MAD1L1: variants seen among roughly 807,000 people sequenced by gnomAD.
MAD1L1 encodes mitotic spindle assembly checkpoint protein MAD1.
A neutral mutation model predicts 96.9 loss-of-function variants in MAD1L1; 95 were observed. The ratio of observed to expected loss-of-function variants is 0.98; its 90% CI spans 0.83 to 1.16. The LOEUF (loss-of-function observed/expected upper bound fraction) is 1.16, where lower values mean the gene tolerates loss of function less well. Among genes scored for constraint, MAD1L1 ranks in the 50% most tolerant of loss-of-function variants. The pLI is 0.00. For missense variants in MAD1L1, 1,007 were observed against 954.4 expected (o/e 1.06, Z -0.73); for synonymous variants, 473 against 396.6 (o/e 1.19, Z -2.29).
intron 18 of MAD1L1, among the ~76,000 whole-genome samples, chr7:1,819,373 C>T (rs1270064257): frequency 6.6e-6 from 1 of 152,100 alleles, no homozygotes; most frequent in African/African-American, 2.4e-5. Flanking sequence ...GGCGGGCGCC[C>T]TGGGGGAGAC....
chr7:1,933,283 G>A (rs958245240), intron 17 of MAD1L1, among the ~76,000 whole-genome samples: 18 of 152,176 alleles, frequency 1.2e-4, no homozygotes, highest in Admixed American at 5.9e-4. Context: ...CCCAGGGAGC[G>A]ATCCATGGGA....
chr7:2,231,156 G>T (rs995220089), intron 1 of MAD1L1, among the ~76,000 whole-genome samples: 4 of 152,178 alleles, frequency 2.6e-5, no homozygotes, highest in Admixed American at 2.0e-4. Context: ...AAACTAGCCG[G>T]GTGTGGTGGT....
chr7:2,217,343 G>A (rs1793343606), intron 7 of MAD1L1, among the ~76,000 whole-genome samples: 1 of 152,226 alleles, frequency 6.6e-6, no homozygotes, highest in Non-Finnish European at 1.5e-5. Flanking sequence ...CTGAGAGGTG[G>A]ACTGAGGGCT....
chr7:2,204,396 T>A (rs1792481645), intron 10 of MAD1L1, among the ~76,000 whole-genome samples: 1 of 152,170 alleles, frequency 6.6e-6, no homozygotes, highest in African/African-American at 2.4e-5. Context: ...CTTTGCTGCG[T>A]GTACACCTGT....
intron 15 of MAD1L1, among the ~76,000 whole-genome samples, chr7:1,977,847 G>A (rs543610475): frequency 2.2e-4 from 34 of 152,374 alleles, no homozygotes; most frequent in Admixed American, 1.4e-3. Flanking sequence ...GGGCAGCCAC[G>A]GGCCGGGACA....
intron 16 of MAD1L1, among the ~76,000 whole-genome samples, chr7:1,941,363 C>T (rs1435260721): frequency 6.6e-6 from 1 of 152,186 alleles, no homozygotes; most frequent in Non-Finnish European, 1.5e-5. Flanking sequence ...TGATGGGGGG[C>T]TTGAGGTCCA....
At chr7:2,061,332 G>A (rs953653814) in intron 12 of MAD1L1, among the ~76,000 whole-genome samples, 4 of 151,810 alleles carry the variant, frequency 2.6e-5, no homozygotes, top group Non-Finnish European at 4.4e-5. Flanking sequence ...GTGAGACTCC[G>A]TCTCAAAAAA....
At chr7:1,994,742 C>G (rs1257648876) in intron 14 of MAD1L1, among the ~76,000 whole-genome samples, 1 of 152,230 alleles carries the variant, frequency 6.6e-6, no homozygotes, top group South Asian at 2.1e-4. Flanking sequence ...AGGGCGCCAT[C>G]TGGAACCAGG....
chr7:2,144,470 C>G (rs866030636), intron 11 of MAD1L1, among the ~76,000 whole-genome samples: 2 of 152,196 alleles, frequency 1.3e-5, no homozygotes, highest in African/African-American at 2.4e-5. Context: ...CATGGCCCCA[C>G]GCATCCCTGC....
rs564221779 is a variant in MAD1L1 at position 2,062,199 on chromosome 7, G to A, written c.1218+6995C>T. ...GGAGGTTGCAGTGAGCTGAGATCGCGCCACTGCACTCCAGCCTGGGTGACA... is the reference window on the plus strand; with the variant it reads ...GGAGGTTGCAGTGAGCTGAGATCGCACCACTGCACTCCAGCCTGGGTGACA... On this transcript the variant is annotated intron_variant, in intron 12 of 18. Coordinates refer to ENST00000265854, the MANE Select transcript of MAD1L1 (RefSeq NM_001013836.2). Among the ~76,000 whole-genome samples, 8 of 148,142 alleles carry A rather than the reference G, an allele frequency of 5.4e-5. No individual in the cohort carries two copies. The South Asian group carries it at 1.1e-3, about 20-fold the overall frequency.
In MAD1L1 at chr7:1,983,148, G is replaced by GCACA. The variant is rs1451981568; in HGVS notation, c.1417-2608_1417-2607insTGTG. On this transcript the variant is annotated intron_variant, in intron 14 of 18. Transcript: ENST00000265854. ...CACCCACAGACGCGCGCGCGCGCGC[G>GCACA]CGCGCGCACACACACACACACACAC... Among the ~76,000 whole-genome samples, 7 of 41,588 alleles carry GCACA rather than the reference G, an allele frequency of 1.7e-4. No individual in the cohort carries two copies. The South Asian group carries it at 4.7e-3, about 28-fold the overall frequency. The allele number at this position is 41,588 out of a possible 152,430, so 27.3% of individuals were successfully genotyped here.
At chr7:1,920,143 G>C (rs947044939) in intron 17 of MAD1L1, among the ~76,000 whole-genome samples, 1 of 152,210 alleles carries the variant, frequency 6.6e-6, no homozygotes, top group Non-Finnish European at 1.5e-5. Context: ...CAGTACATGA[G>C]TGCTCCTGGG....
chr7:2,164,532 G>A (rs1211231954), intron 10 of MAD1L1, among the ~76,000 whole-genome samples: 1 of 130,228 alleles, frequency 7.7e-6, no homozygotes, highest in Non-Finnish European at 1.6e-5. Flanking sequence ...ATCAAATGGA[G>A]ACAGCAGATA....
chr7:2,125,467 C>T (rs530843023), intron 11 of MAD1L1, among the ~76,000 whole-genome samples: 2 of 152,160 alleles, frequency 1.3e-5, no homozygotes, highest in Non-Finnish European at 2.9e-5. Flanking sequence ...CGAGCTCCAC[C>T]GTACACTCAG....
chr7:1,883,296 T>C (rs1031457283), intron 18 of MAD1L1, among the ~76,000 whole-genome samples: 24 of 152,028 alleles, frequency 1.6e-4, no homozygotes, highest in African/African-American at 5.8e-4. Flanking sequence ...CACCATGAGC[T>C]CCTTAACACC....
intron 18 of MAD1L1, among the ~76,000 whole-genome samples, chr7:1,878,941 C>T (rs1346263544): frequency 2.0e-5 from 3 of 151,906 alleles, no homozygotes; most frequent in African/African-American, 4.8e-5. Flanking sequence ...TTACAGAATA[C>T]GAGACCAATA....
chr7:2,057,255 G>C (rs758606684), intron 12 of MAD1L1, among the ~76,000 whole-genome samples: 12 of 152,236 alleles, frequency 7.9e-5, no homozygotes, highest in Non-Finnish European at 1.6e-4. Flanking sequence ...ACCGAGCGCG[G>C]TGCCTCATGC....
At position 1,941,550 on chromosome 7, in the gene MAD1L1, C is replaced by T. The variant is rs576224867; in HGVS notation, c.1597-4653G>A. Among the ~76,000 whole-genome samples, 9 of 152,284 alleles carry T rather than the reference C, an allele frequency of 5.9e-5. No individual in the cohort carries two copies. The South Asian group carries it at 1.5e-3, about 25-fold the overall frequency. ...CCTGCACTGCTGGCCCCGCTGGGGG[C>T]GAAGGCTTGGTGTGTGCAAAGCCAC... On this transcript the variant is annotated intron_variant, in intron 16 of 18. Transcript: ENST00000265854.
In MAD1L1 at chr7:2,175,493, CAAAAAAAAAAAAA is replaced by C. The variant is rs143638196; in HGVS notation, c.987-26268_987-26256del. Reference sequence around the variant, plus strand: ...TCTCCTTATTCACATGAACCTTTGCCAAAAAAAAAAAAAAAAAAAAAAAACCCACCACACTTCT... The same window carrying C: ...TCTCCTTATTCACATGAACCTTTGCCAAAAAAAAAAACCCACCACACTTCT... On this transcript the variant is annotated intron_variant, in intron 10 of 18. Transcript: ENST00000265854. 2.6e-4 allele frequency: 24 copies of C among 90,938 alleles called. No individual in the cohort carries two copies. The East Asian group carries it at 8.1e-3, about 31-fold the overall frequency. 5.6% of individuals were successfully genotyped at this position (90,938 alleles called of 1,614,324 possible). A position where few individuals can be genotyped will look rare whatever the true frequency, so the allele number is the denominator to read the frequency against.
Sources: allele counts gnomAD v4.1 joint callset (sites outside exome capture counted in the v4.1 genomes callset), GRCh38; gene constraint gnomAD v4.1.1; transcripts MANE v1.5; gene names NCBI Gene and HGNC (gene_info 2026-07-23, HGNC 2026-07-21).